CA10: variants seen among roughly 807,000 people sequenced by gnomAD.
CA10 encodes carbonic anhydrase 10 (inactive).
A neutral mutation model predicts 44.2 loss-of-function variants in CA10; 14 were observed. That is an observed-to-expected ratio of 0.32 (90% confidence interval 0.21 to 0.50). CA10 has a LOEUF of 0.50. CA10 is among the 20% of genes least tolerant of loss of function. The pLI, the probability that CA10 is intolerant of heterozygous loss-of-function variation, is 0.99. For synonymous variants in CA10, 159 were observed against 141.6 expected (o/e 1.12, Z -0.87); for missense variants, 350 against 409.7 (o/e 0.85, Z 1.26).
intron 2 of CA10, among the ~76,000 whole-genome samples, chr17:52,051,181 A>T (rs1197276586): frequency 1.3e-5 from 2 of 151,716 alleles, no homozygotes; most frequent in African/African-American, 4.8e-5. Flanking sequence ...AAACAAAGGA[A>T]CAAAGGCACG....
chr17:52,007,464 T>C (rs1438367858), intron 2 of CA10, among the ~76,000 whole-genome samples: 2 of 151,568 alleles, frequency 1.3e-5, no homozygotes, highest in Admixed American at 6.6e-5. Flanking sequence ...TTAGAAATAT[T>C]TTTTCCTACT....
At chr17:51,788,471 G>A (rs1308907119) in intron 3 of CA10, among the ~76,000 whole-genome samples, 2 of 152,126 alleles carry the variant, frequency 1.3e-5, no homozygotes, top group African/African-American at 4.8e-5. Context: ...TTGTCTTTCT[G>A]TGCCTAGCTT....
intron 3 of CA10, among the ~76,000 whole-genome samples, chr17:51,869,870 T>C (rs1006202998): frequency 2.0e-5 from 3 of 152,210 alleles, no homozygotes; most frequent in Non-Finnish European, 4.4e-5. Flanking sequence ...TGGTGTTTCT[T>C]ACTACATTAT....
At chr17:51,952,110 G>C (rs150354577) in intron 2 of CA10, among the ~76,000 whole-genome samples, 81 of 152,262 alleles carry the variant, frequency 5.3e-4, no homozygotes, top group Non-Finnish European at 9.7e-4. Context: ...GAATAGAACA[G>C]CTTGCATGAA....
At chr17:52,056,870 A>T (rs1238084278) in intron 2 of CA10, among the ~76,000 whole-genome samples, 1 of 152,078 alleles carries the variant, frequency 6.6e-6, no homozygotes, top group Admixed American at 6.6e-5. Context: ...ACACAGAATG[A>T]TATAGTTGAT....
chr17:51,834,613 C>T (rs1908406963), intron 3 of CA10, among the ~76,000 whole-genome samples: 1 of 152,228 alleles, frequency 6.6e-6, no homozygotes, highest in African/African-American at 2.4e-5. Context: ...CATGATCTCC[C>T]TTCCCCATGA....
At chr17:52,005,504 TC>T (rs1396426162) in intron 2 of CA10, among the ~76,000 whole-genome samples, 2 of 151,894 alleles carry the variant, frequency 1.3e-5, no homozygotes, top group Non-Finnish European at 1.5e-5. Context: ...ATTATACTCA[TC>T]ACACAATATG....
At chr17:51,762,206 G>A (rs1409521929) in intron 3 of CA10, 1 of 152,208 alleles carries the variant, frequency 6.6e-6, no homozygotes, top group Admixed American at 6.5e-5. Flanking sequence ...GATAATACAT[G>A]TGAAAGAGCC....
intron 2 of CA10, among the ~76,000 whole-genome samples, chr17:51,985,112 C>A (rs1454686954): frequency 4.0e-5 from 6 of 151,830 alleles, no homozygotes; most frequent in African/African-American, 1.5e-4. Context: ...TGTTAAAATC[C>A]TTAACAAAAT....
intron 2 of CA10, among the ~76,000 whole-genome samples, chr17:52,055,255 A>G (rs1461712182): frequency 6.6e-6 from 1 of 151,640 alleles, no homozygotes; most frequent in Non-Finnish European, 1.5e-5. Context: ...TTATTACCAG[A>G]TGAACTGTCA....
intron 2 of CA10, among the ~76,000 whole-genome samples, chr17:51,938,267 A>C (rs1982941924): frequency 1.3e-5 from 2 of 152,060 alleles, no homozygotes; most frequent in African/African-American, 4.8e-5. Flanking sequence ...AACATTGGAG[A>C]AGGGGTTGAG....
chr17:51,726,029 T>C (rs1916508869), intron 4 of CA10, among the ~76,000 whole-genome samples: 1 of 152,180 alleles, frequency 6.6e-6, no homozygotes, highest in African/African-American at 2.4e-5. Flanking sequence ...TGGAGAAGTC[T>C]TCATAGCTCA....
At chr17:52,008,363 A>G (rs1176888888) in intron 2 of CA10, among the ~76,000 whole-genome samples, 1 of 151,866 alleles carries the variant, frequency 6.6e-6, no homozygotes, top group South Asian at 2.1e-4. Context: ...ATAAAAACAT[A>G]AGAACTATTT....
intron 2 of CA10, among the ~76,000 whole-genome samples, chr17:52,069,245 C>A (rs547580475): frequency 6.6e-6 from 1 of 152,194 alleles, no homozygotes; most frequent in Non-Finnish European, 1.5e-5. Context: ...ATGGACACAT[C>A]AAATTAGCCA....
intron 2 of CA10, among the ~76,000 whole-genome samples, chr17:52,049,932 C>A (rs925838916): frequency 6.6e-6 from 1 of 152,042 alleles, no homozygotes; most frequent in African/African-American, 2.4e-5. Context: ...CGCCATTATG[C>A]CACAGTTGCC....
At chr17:51,956,349 T>C (rs972160917) in intron 2 of CA10, among the ~76,000 whole-genome samples, 3 of 152,200 alleles carry the variant, frequency 2.0e-5, no homozygotes, top group Non-Finnish European at 4.4e-5. Flanking sequence ...GAAGTTATAT[T>C]TGATTGCCTT....
At chr17:51,646,315 G>A (rs144606199) in intron 6 of CA10, among the ~76,000 whole-genome samples, 1 of 152,296 alleles carries the variant, frequency 6.6e-6, no homozygotes, top group African/African-American at 2.4e-5. Flanking sequence ...TTGGTGTGTG[G>A]AAAGTGCTCA....
In CA10 at chr17:51,932,991, A is replaced by T. The variant is rs566330046; in HGVS notation, c.137-1859T>A. ...ATGAAAATAAAGCCTTCATTAGGGC[A>T]TCCTCCTAGCAGTCTTTGTCCGTAA... On this transcript the variant is annotated intron_variant, in intron 2 of 8. Coordinates refer to ENST00000451037, the MANE Select transcript of CA10 (RefSeq NM_020178.5). Among the ~76,000 whole-genome samples, 26 of 152,270 alleles carry T rather than the reference A, an allele frequency of 1.7e-4. No individual in the cohort carries two copies. The South Asian group carries it at 5.4e-3, about 32-fold the overall frequency.
intron 1 of CA10, 143 bp from the exon 2 acceptor site, chr17:52,072,536 T>TA: frequency 1.2e-5 from 5 of 407,668 alleles, no homozygotes; most frequent in Non-Finnish European, 2.1e-5. Flanking sequence ...CCTTCTCCCT[T>TA]CCCTTTTTTT....
Sources: gnomAD v4.1 joint callset for allele counts (sites outside exome capture counted in the v4.1 genomes callset) on GRCh38, gnomAD v4.1.1 for gene constraint, MANE v1.5 for transcripts, NCBI Gene and HGNC (gene_info 2026-07-23, HGNC 2026-07-21) for gene names.